SKA2: variants seen among roughly 807,000 people sequenced by gnomAD.
SKA2 encodes spindle and kinetochore-associated protein 2.
Under a neutral mutation model 16.9 loss-of-function variants are expected in SKA2, and 13 were observed. That is an observed-to-expected ratio of 0.77 (90% CI 0.50 to 1.22). The LOEUF (loss-of-function observed/expected upper bound fraction) is 1.22, where lower values mean the gene tolerates loss of function less well. SKA2 is among the 50% of genes most tolerant of loss of function. The probability of loss-of-function intolerance (pLI) is 0.00; values close to 1 mark genes in which losing one functional copy is unlikely to be tolerated. For synonymous variants in SKA2, 47 were observed against 48.5 expected (o/e 0.97, Z 0.13); for missense variants, 107 against 139.7 (o/e 0.77, Z 1.18).
At chr17:59,135,311 T>A (rs2046437066) in intron 1 of SKA2, among the ~76,000 whole-genome samples, 1 of 49,074 alleles carries the variant, frequency 2.0e-5, no homozygotes, top group Non-Finnish European at 3.6e-5. Context: ...CTAAACTGTC[T>A]TTTTTTTTTT....
chr17:59,149,542 TAAAC>T (rs534811404), intron 1 of SKA2, among the ~76,000 whole-genome samples: 2,823 of 151,592 alleles, frequency 0.019, 83 homozygotes, highest in African/African-American at 0.065. Context: ...AAAAAAAAAT[TAAAC>T]AAAGACATTT....
chr17:59,112,779 C>T (rs996514243), intron 3 of SKA2, among the ~76,000 whole-genome samples: 4 of 152,072 alleles, frequency 2.6e-5, no homozygotes, highest in Non-Finnish European at 5.9e-5. Flanking sequence ...TAAATCATCT[C>T]TAGATTACTT....
intron 2 of SKA2, among the ~76,000 whole-genome samples, chr17:59,128,415 A>C (rs1169304004): frequency 1.3e-5 from 2 of 152,122 alleles, no homozygotes; most frequent in South Asian, 4.1e-4. Flanking sequence ...ACCTGACGTC[A>C]GGAGTTCAAG....
intron 3 of SKA2, 165 bp downstream of exon 3, chr17:59,119,154 A>C: frequency 1.5e-6 from 1 of 684,404 alleles, no homozygotes; most frequent in Non-Finnish European, 2.4e-6. Flanking sequence ...CTTATTTTTA[A>C]ATAAACAGAA....
At chr17:59,153,236 G>A (rs1488491671) in intron 1 of SKA2, among the ~76,000 whole-genome samples, 1 of 152,162 alleles carries the variant, frequency 6.6e-6, no homozygotes, top group Non-Finnish European at 1.5e-5. Context: ...ATCTATATCA[G>A]TAGGGAGGAA....
chr17:59,124,789 GAC>G (rs1568303679), intron 2 of SKA2, among the ~76,000 whole-genome samples: 1 of 152,128 alleles, frequency 6.6e-6, no homozygotes, highest in East Asian at 1.9e-4. Flanking sequence ...ATGTTTTTAT[GAC>G]ATTAGCTCGA....
intron 3 of SKA2, among the ~76,000 whole-genome samples, chr17:59,117,575 CTTCTTT>C (rs1274354718): frequency 6.6e-6 from 1 of 151,308 alleles, no homozygotes; most frequent in African/African-American, 2.4e-5. Flanking sequence ...TTTTTTTCTT[CTTCTTT>C]TTCTTTTTTT....
At chr17:59,145,678 T>A (rs188647795) in intron 1 of SKA2, among the ~76,000 whole-genome samples, 29 of 152,272 alleles carry the variant, frequency 1.9e-4, no homozygotes, top group South Asian at 8.3e-4. Flanking sequence ...TAGCCTCTGT[T>A]ACTAGCCCGA....
chr17:59,131,553 T>G (rs1397792878), intron 1 of SKA2, among the ~76,000 whole-genome samples, 186 bp from the exon 2 acceptor site: 3 of 152,216 alleles, frequency 2.0e-5, no homozygotes, highest in Admixed American at 6.6e-5. Context: ...ATGAAAAATT[T>G]AAAAAGTAGT....
chr17:59,135,043 C>A (rs1011871307), intron 1 of SKA2, among the ~76,000 whole-genome samples: 3 of 151,982 alleles, frequency 2.0e-5, no homozygotes, highest in Non-Finnish European at 4.4e-5. Flanking sequence ...CCATATTGGC[C>A]AGGCTGGTCT....
chr17:59,126,127 C>T lies in SKA2; in HGVS notation c.120+5154G>A, dbSNP rs113150397. Among the ~76,000 whole-genome samples the T allele has an allele frequency of 8.9e-3, 1,341 of 150,930 alleles. 27 individuals are homozygous for T. Among genetic ancestry groups the T allele is most frequent in the African/African-American group, 0.03 (1,237 of 41,128 alleles). ...CGGAGCTTGCAGTGAGCCGAGATCG[C>T]GCCACTGCACTCCAGCCTGGGCGAC... On this transcript the variant is annotated intron_variant, in intron 2 of 3. Transcript: ENST00000330137.
chr17:59,115,592 T>C (rs761713005), intron 3 of SKA2, among the ~76,000 whole-genome samples: 1 of 152,118 alleles, frequency 6.6e-6, no homozygotes, highest in Non-Finnish European at 1.5e-5. Flanking sequence ...ACTTTGCTTT[T>C]TCGTTTTGTT....
chr17:59,127,271 C>T (rs7214098), intron 2 of SKA2, among the ~76,000 whole-genome samples: 97,196 of 152,142 alleles, frequency 0.64, 31,786 homozygotes, highest in African/African-American at 0.77. Context: ...TATAAGGACA[C>T]GTGCCTGTAA....
rs899745641 is a variant in SKA2, at chr17:59,111,296, G to C, written c.*981C>G. 2 of 152,134 alleles carry C rather than the reference G, an allele frequency of 1.3e-5. No homozygotes were observed. Among genetic ancestry groups the C allele is most frequent in the Non-Finnish European group, 2.9e-5 (2 of 68,030 alleles). The allele number at this position is 152,134 out of a possible 1,614,324, so 9.4% of individuals were successfully genotyped here. On this transcript the variant is annotated 3_prime_UTR_variant, in exon 4 of 4. Coordinates refer to ENST00000330137, the MANE Select transcript of SKA2 (RefSeq NM_182620.4). ...AACAGTAATAATTTATTGGCAACTTGACCTCTTATTGTATACATACAGCAT... is the reference window on the plus strand; with the variant it reads ...AACAGTAATAATTTATTGGCAACTTCACCTCTTATTGTATACATACAGCAT...
At chr17:59,124,077 ATT>A (rs2046355204) in intron 2 of SKA2, among the ~76,000 whole-genome samples, 1 of 152,220 alleles carries the variant, frequency 6.6e-6, no homozygotes, top group African/African-American at 2.4e-5. Flanking sequence ...GTGAAGCATT[ATT>A]CTTTGTAATT....
rs529009758 is a variant in SKA2, at chr17:59,135,773, A to G, written c.34-4406T>C. ...AAAAATATATTTTTAAAATATATAA[A>G]ATAATTTTTAAATATATATTTTAAA... On this transcript the variant is annotated intron_variant, in intron 1 of 3. Transcript: ENST00000330137. Among the ~76,000 whole-genome samples, 347 of 148,480 alleles carry G rather than the reference A, an allele frequency of 2.3e-3. 3 individuals carry two copies. Among genetic ancestry groups the G allele is most frequent in the African/African-American group, 8.1e-3 (332 of 41,094 alleles).
intron 2 of SKA2, among the ~76,000 whole-genome samples, chr17:59,122,398 G>T (rs957086095): frequency 6.6e-6 from 1 of 152,084 alleles, no homozygotes; most frequent in Non-Finnish European, 1.5e-5. Context: ...ATCACTTGAG[G>T]TCAGGAGTTC....
intron 1 of SKA2, among the ~76,000 whole-genome samples, chr17:59,137,568 T>C (rs903500552): frequency 6.6e-6 from 1 of 152,212 alleles, no homozygotes; most frequent in Non-Finnish European, 1.5e-5. Context: ...TAAGATCCTT[T>C]TCAATACTAA....
intron 2 of SKA2, among the ~76,000 whole-genome samples, chr17:59,124,878 A>G (rs910939110): frequency 9.2e-5 from 14 of 152,060 alleles, no homozygotes; most frequent in Non-Finnish European, 1.8e-4. Context: ...ACAGGTTAGG[A>G]CTGTGGTTAG....
Sources: gnomAD v4.1 joint callset for allele counts (sites outside exome capture counted in the v4.1 genomes callset) on GRCh38, gnomAD v4.1.1 for gene constraint, MANE v1.5 for transcripts, NCBI Gene and HGNC (gene_info 2026-07-23, HGNC 2026-07-21) for gene names.